The following STPG2 variants were observed in gnomAD, a reference collection of about 807,000 sequenced individuals.
The protein encoded by STPG2 is sperm tail PG-rich repeat containing 2, also known as sperm-tail PG-rich repeat-containing protein 2.
In STPG2, 56 loss-of-function variants were observed where a neutral mutation model predicts 54.2. That is an observed-to-expected ratio of 1.03 (90% CI 0.83 to 1.29). The LOEUF is 1.29. Ranked by LOEUF, STPG2 falls within the 50% of genes most tolerant of loss-of-function variation. The probability of loss-of-function intolerance (pLI) is 0.00; values close to 1 mark genes in which losing one functional copy is unlikely to be tolerated. For synonymous variants in STPG2, 200 were observed against 181.8 expected, an observed-to-expected ratio of 1.10 and a Z score of -0.81; for missense variants, 596 against 544.9, an observed-to-expected ratio of 1.09 and a Z score of -0.93.
At chr4:97,694,379 T>G (rs907349674) in intron 10 of STPG2, among the ~76,000 whole-genome samples, 1 of 151,962 alleles carries the variant, frequency 6.6e-6, no homozygotes, top group Non-Finnish European at 1.5e-5. Flanking sequence ...TCAAGGCTGC[T>G]ATGAACAACT....
At chr4:97,498,517 C>T (rs933170785) in intron 4 of STPG2, among the ~76,000 whole-genome samples, 2 of 151,234 alleles carry the variant, frequency 1.3e-5, no homozygotes, top group African/African-American at 4.9e-5. Context: ...AGGATGTTCA[C>T]ATTGAAACTA....
At chr4:97,538,589 G>GAAAACCTGAA (rs1462575311) in intron 4 of STPG2, among the ~76,000 whole-genome samples, 12 of 152,186 alleles carry the variant, frequency 7.9e-5, no homozygotes, top group Non-Finnish European at 1.6e-4. Context: ...AAGTGATGGG[G>GAAAACCTGAA]AGAATGGAGC....
intron 7 of STPG2, among the ~76,000 whole-genome samples, chr4:97,947,365 C>A (rs967447787): frequency 2.0e-5 from 3 of 152,020 alleles, no homozygotes; most frequent in African/African-American, 4.8e-5. Flanking sequence ...AATAGTTTTA[C>A]TTCCTTTTTT....
intron 10 of STPG2, among the ~76,000 whole-genome samples, chr4:97,630,259 C>T (rs1478173394): frequency 1.3e-5 from 2 of 151,654 alleles, no homozygotes; most frequent in African/African-American, 4.8e-5. Flanking sequence ...TTATTAATTT[C>T]CTAGAGTTAT....
At chr4:97,874,647 C>T (rs952809311) in intron 8 of STPG2, among the ~76,000 whole-genome samples, 59 of 151,856 alleles carry the variant, frequency 3.9e-4, no homozygotes, top group Non-Finnish European at 1.2e-4. Context: ...TTCCTTCACT[C>T]AGCATTATGA....
At chr4:97,552,905 A>G (rs1449776298) in intron 4 of STPG2, among the ~76,000 whole-genome samples, 3 of 152,176 alleles carry the variant, frequency 2.0e-5, no homozygotes, top group Non-Finnish European at 4.4e-5. Flanking sequence ...CTGAGTCCTG[A>G]GAAAGATCAA....
intron 8 of STPG2, among the ~76,000 whole-genome samples, chr4:97,868,386 C>G (rs1729867824): frequency 1.3e-5 from 2 of 151,766 alleles, no homozygotes; most frequent in Admixed American, 1.3e-4. Context: ...TTTCAGGAGA[C>G]TTGCGTATTT....
chr4:97,942,120 T>C (rs1189189646), intron 8 of STPG2, among the ~76,000 whole-genome samples: 1 of 149,962 alleles, frequency 6.7e-6, no homozygotes, highest in Non-Finnish European at 1.5e-5. Flanking sequence ...ATAGATACGT[T>C]TTAAATATAT....
At chr4:97,740,877 T>A (rs950444464) in intron 9 of STPG2, among the ~76,000 whole-genome samples, 4 of 152,074 alleles carry the variant, frequency 2.6e-5, no homozygotes, top group African/African-American at 9.7e-5. Flanking sequence ...AAAGTTCATA[T>A]GGAACCAAAA....
chr4:97,829,661 A>C (rs1728383620), intron 9 of STPG2, among the ~76,000 whole-genome samples: 1 of 152,212 alleles, frequency 6.6e-6, no homozygotes, highest in Non-Finnish European at 1.5e-5. Context: ...TAGAATAACC[A>C]GTTTAGAAAA....
chr4:97,952,846 G>T (rs1028785339), intron 7 of STPG2, among the ~76,000 whole-genome samples: 5 of 152,176 alleles, frequency 3.3e-5, no homozygotes, highest in African/African-American at 1.2e-4. Context: ...GATAGCAGAG[G>T]TCATGCACAA....
rs367922969 is a variant in STPG2, at chr4:97,707,511, AC to A, written c.1320+5187del. On this transcript the variant is annotated intron_variant, in intron 10 of 10. Transcript: ENST00000295268. ...AGTCCAACCTGGGCAACAGAGTGAG[AC>A]CCTGTCTCAAAAAAATGAAAATAAT... 1.2e-4 allele frequency among the ~76,000 whole-genome samples: 18 copies of A among 152,236 alleles called. No homozygotes were observed. In the East Asian group the frequency reaches 1.9e-3, roughly 16 times the overall value.
At chr4:97,563,386 C>G (rs1022031975) in intron 10 of STPG2, among the ~76,000 whole-genome samples, 11 of 152,112 alleles carry the variant, frequency 7.2e-5, no homozygotes, top group Non-Finnish European at 2.9e-5. Flanking sequence ...TTTCAAAAAA[C>G]CAGCTCCTGG....
At chr4:97,960,661 A>G (rs1020342907) in intron 7 of STPG2, among the ~76,000 whole-genome samples, 1 of 152,156 alleles carries the variant, frequency 6.6e-6, no homozygotes, top group African/African-American at 2.4e-5. Context: ...GACCTCTACA[A>G]GGAAAACTAC....
At chr4:97,479,726 A>G (rs1287667308) in intron 4 of STPG2, among the ~76,000 whole-genome samples, 2 of 151,904 alleles carry the variant, frequency 1.3e-5, no homozygotes, top group Non-Finnish European at 3.0e-5. Flanking sequence ...ATAGATCAAG[A>G]CAGAATAACA....
chr4:97,783,357 A>G (rs569385869), intron 9 of STPG2, among the ~76,000 whole-genome samples: 11 of 152,362 alleles, frequency 7.2e-5, no homozygotes, highest in African/African-American at 2.6e-4. Flanking sequence ...GAGAAATGCA[A>G]ATCAAAACCA....
chr4:97,888,242 C>T (rs1379744761), intron 8 of STPG2, among the ~76,000 whole-genome samples: 2 of 152,176 alleles, frequency 1.3e-5, no homozygotes, highest in African/African-American at 4.8e-5. Flanking sequence ...GGGCCACCAT[C>T]CTCCAGACCC....
At chr4:97,779,243 T>C (rs1726507247) in intron 9 of STPG2, among the ~76,000 whole-genome samples, 1 of 152,184 alleles carries the variant, frequency 6.6e-6, no homozygotes, top group African/African-American at 2.4e-5. Flanking sequence ...TTAAATGACC[T>C]GATGGAACTG....
intron 8 of STPG2, among the ~76,000 whole-genome samples, chr4:97,861,245 C>T (rs1047100507): frequency 1.3e-5 from 2 of 151,978 alleles, no homozygotes; most frequent in African/African-American, 4.8e-5. Context: ...AAAAAATGCT[C>T]AATATCACTG....
Sources: allele counts gnomAD v4.1 joint callset (sites outside exome capture counted in the v4.1 genomes callset), GRCh38; gene constraint gnomAD v4.1.1; transcripts MANE v1.5; gene names NCBI Gene and HGNC (gene_info 2026-07-23, HGNC 2026-07-21).